SORCS3: variants seen among roughly 807,000 people sequenced by gnomAD.
The protein encoded by SORCS3 is VPS10 domain-containing receptor SorCS3.
Under a neutral mutation model 146.3 loss-of-function variants are expected in SORCS3, and 57 were observed. The ratio of observed to expected loss-of-function variants is 0.39; its 90% CI spans 0.31 to 0.49. The LOEUF (loss-of-function observed/expected upper bound fraction) is 0.49, where lower values mean the gene tolerates loss of function less well. SORCS3 is among the 20% of genes least tolerant of loss of function. The pLI, the probability that SORCS3 is intolerant of heterozygous loss-of-function variation, is 0.92. For missense variants in SORCS3, 1,341 were observed against 1,575.5 expected (o/e 0.85, Z 2.52); for synonymous variants, 653 against 618.5 (o/e 1.06, Z -0.83).
chr10:105,075,576 G>C (rs1029903831), intron 5 of SORCS3, among the ~76,000 whole-genome samples: 19 of 152,204 alleles, frequency 1.2e-4, no homozygotes, highest in Admixed American at 1.2e-3. Context: ...GTGACACCTT[G>C]GGGACCTCAC....
chr10:104,781,188 C>T (rs2017370208), intron 1 of SORCS3, among the ~76,000 whole-genome samples: 1 of 152,178 alleles, frequency 6.6e-6, no homozygotes, highest in South Asian at 2.1e-4. Flanking sequence ...CTTTGCAACT[C>T]ATTTGATCTT....
chr10:105,056,092 G>A (rs1171336369), intron 5 of SORCS3, among the ~76,000 whole-genome samples: 1 of 152,190 alleles, frequency 6.6e-6, no homozygotes, highest in Non-Finnish European at 1.5e-5. Flanking sequence ...GAGATAGGAT[G>A]GAAGAATCTT....
intron 26 of SORCS3, 71 bp downstream of exon 26, chr10:105,262,562 C>T (rs2056968454): frequency 6.7e-7 from 1 of 1,486,836 alleles, no homozygotes; most frequent in Non-Finnish European, 9.2e-7. Context: ...CATCTGTCCC[C>T]CATACATTAC....
chr10:104,704,108 T>C (rs1272590070), intron 1 of SORCS3, among the ~76,000 whole-genome samples: 1 of 151,768 alleles, frequency 6.6e-6, no homozygotes, highest in Non-Finnish European at 1.5e-5. Context: ...TGAGGCCTTT[T>C]GGCCAGTTTT....
chr10:104,993,766 T>C lies in SORCS3; in HGVS notation c.954+16273T>C, dbSNP rs557954104. ...AGGTTTGCACAATGTTTTTCCCTTT[T>C]TTTGATGCTGAAAATGCCAGTTTAA... On this transcript the variant is annotated intron_variant, in intron 4 of 26. Transcript: ENST00000369701. Among the ~76,000 whole-genome samples the C allele has an allele frequency of 3.3e-5, 5 of 152,300 alleles. No homozygotes were observed. In the South Asian group the frequency reaches 8.3e-4, roughly 25 times the overall value.
At chr10:104,876,328 C>A (rs1169376890) in intron 2 of SORCS3, among the ~76,000 whole-genome samples, 2 of 152,142 alleles carry the variant, frequency 1.3e-5, no homozygotes, top group Non-Finnish European at 2.9e-5. Context: ...TTAATACTGT[C>A]ACCCTGATCT....
chr10:104,980,251 G>T (rs984203832), intron 4 of SORCS3, among the ~76,000 whole-genome samples: 1 of 152,116 alleles, frequency 6.6e-6, no homozygotes, highest in African/African-American at 2.4e-5. Flanking sequence ...CATCTTTTGC[G>T]TAAAGTGGCT....
intron 2 of SORCS3, among the ~76,000 whole-genome samples, chr10:104,890,319 C>G (rs2018736766): frequency 6.6e-6 from 1 of 152,078 alleles, no homozygotes; most frequent in African/African-American, 2.4e-5. Flanking sequence ...TCCTGCAGCA[C>G]ACTGATTTTC....
intron 7 of SORCS3, among the ~76,000 whole-genome samples, chr10:105,128,016 A>G (rs1460104929): frequency 2.0e-5 from 3 of 152,174 alleles, no homozygotes; most frequent in Admixed American, 2.0e-4. Flanking sequence ...GTTTAGAGAC[A>G]CAAGTTCAAA....
chr10:104,836,337 A>T (rs2451483), intron 1 of SORCS3, among the ~76,000 whole-genome samples: 20,487 of 152,114 alleles, frequency 0.13, 2,387 homozygotes, highest in African/African-American at 0.32. Context: ...AGCAACCATT[A>T]AAAAAATCAC....
Position 105,147,727 on chromosome 10 carries a change from CA to C in SORCS3, c.1414del (p.Thr472LeufsTer13). 3 of 1,613,158 alleles carry C rather than the reference CA, an allele frequency of 1.9e-6. No individual in the cohort carries two copies. Among genetic ancestry groups the C allele is most frequent in the Non-Finnish European group, 2.5e-6 (3 of 1,179,358 alleles). On this transcript the variant is annotated frameshift_variant, in exon 9 of 27. Coordinates refer to ENST00000369701, the MANE Select transcript of SORCS3 (RefSeq NM_014978.3). LOFTEE classifies it high-confidence loss of function. ...TCTCAGACACGCGTGGGATTTACTT[CA>C]CTCTGGCCATGGAGAACATCAAGAG... ...YISDTRGIYF[T>X]LAMENIKSSR...
At chr10:104,865,148 T>C (rs1187887509) in intron 2 of SORCS3, among the ~76,000 whole-genome samples, 2 of 152,182 alleles carry the variant, frequency 1.3e-5, no homozygotes, top group African/African-American at 2.4e-5. Context: ...CAGAGATTTA[T>C]TGAGAGAAGG....
chr10:105,048,865 C>G (rs2055392422), intron 5 of SORCS3, among the ~76,000 whole-genome samples: 1 of 152,008 alleles, frequency 6.6e-6, no homozygotes, highest in Non-Finnish European at 1.5e-5. Context: ...CCTTTCTCTT[C>G]TTAATGTTCT....
intron 1 of SORCS3, among the ~76,000 whole-genome samples, chr10:104,670,071 T>C (rs2015833474): frequency 6.6e-6 from 1 of 152,140 alleles, no homozygotes; most frequent in Admixed American, 6.5e-5. Context: ...GAAATTGAGT[T>C]GCTTGTTTTG....
At chr10:105,168,599 T>A (rs1046600671) in intron 13 of SORCS3, among the ~76,000 whole-genome samples, 1 of 152,104 alleles carries the variant, frequency 6.6e-6, no homozygotes, top group African/African-American at 2.4e-5. Context: ...TAAACAAGTT[T>A]AGAGTAAGAA....
chr10:105,161,740 C>T (rs545811967), intron 11 of SORCS3, among the ~76,000 whole-genome samples: 32 of 152,226 alleles, frequency 2.1e-4, no homozygotes, highest in South Asian at 8.3e-4. Flanking sequence ...CATAACTGCA[C>T]GATGATGTAG....
chr10:105,230,268 T>G (rs906211436), intron 20 of SORCS3, among the ~76,000 whole-genome samples: 21 of 152,064 alleles, frequency 1.4e-4, no homozygotes, highest in African/African-American at 4.6e-4. Flanking sequence ...TGTGTGCAGG[T>G]ACTGGCTGTG....
chr10:105,021,404 G>A (rs1308740297), intron 4 of SORCS3, among the ~76,000 whole-genome samples: 1 of 152,138 alleles, frequency 6.6e-6, no homozygotes, highest in East Asian at 1.9e-4. Context: ...TCCCAATAAT[G>A]TTGCACTGGG....
At chr10:104,755,138 G>A (rs951286014) in intron 1 of SORCS3, among the ~76,000 whole-genome samples, 7 of 152,320 alleles carry the variant, frequency 4.6e-5, no homozygotes, top group African/African-American at 1.7e-4. Flanking sequence ...GGGAGGAGAG[G>A]AGGCAGGCAG....
Sources: allele counts gnomAD v4.1 joint callset (sites outside exome capture counted in the v4.1 genomes callset), GRCh38; gene constraint gnomAD v4.1.1; transcripts MANE v1.5; gene names NCBI Gene and HGNC (gene_info 2026-07-23, HGNC 2026-07-21).